The following BCKDHB variants were observed in gnomAD, a reference collection of about 807,000 sequenced individuals.
BCKDHB encodes branched chain keto acid dehydrogenase E1 subunit beta, also known as 2-oxoisovalerate dehydrogenase subunit beta, mitochondrial.
A neutral mutation model predicts 48.5 loss-of-function variants in BCKDHB; 41 were observed. The ratio of observed to expected loss-of-function variants is 0.85; its 90% confidence interval spans 0.66 to 1.10. BCKDHB has a LOEUF of 1.10. Among genes scored for constraint, BCKDHB ranks in the 50% least tolerant of loss-of-function variants. The probability of loss-of-function intolerance (pLI) is 0.00; values close to 1 mark genes in which losing one functional copy is unlikely to be tolerated. For missense variants in BCKDHB, 496 were observed against 494.2 expected, an observed-to-expected ratio of 1.00 and a Z score of -0.03; for synonymous variants, 201 against 174.8, an observed-to-expected ratio of 1.15 and a Z score of -1.18.
rs140588300 is a variant in BCKDHB at position 80,132,016 on chromosome 6, A to G, written c.343+2787A>G. On this transcript the variant is annotated intron_variant, in intron 3 of 9. Transcript: ENST00000320393. ...TATTTTTATTTTATTTATTTTATCTATTTTTTAGTTTTTACTCTACAGACC... is the reference window on the plus strand; with the variant it reads ...TATTTTTATTTTATTTATTTTATCTGTTTTTTAGTTTTTACTCTACAGACC... 2.5e-3 allele frequency among the ~76,000 whole-genome samples: 375 copies of G among 151,866 alleles called. 3 individuals carry two copies. The highest frequency in any genetic ancestry group is 8.3e-3 in the African/African-American group (344 of 41,422).
At chr6:80,342,567 A>G (rs965776774) in intron 9 of BCKDHB, among the ~76,000 whole-genome samples, 2 of 144,980 alleles carry the variant, frequency 1.4e-5, no homozygotes, top group Non-Finnish European at 3.0e-5. Context: ...AAAAAAAAAA[A>G]AAAAAAAAAA....
the BCKDHB span, among the ~76,000 whole-genome samples, chr6:80,431,913 G>T: frequency 2.0e-5 from 3 of 152,160 alleles, no homozygotes; most frequent in Admixed American, 2.0e-4. Context: ...CTCAGCATTT[G>T]CTTGTCTGTA....
chr6:80,197,986 G>A lies in BCKDHB; in HGVS notation c.743-2948G>A, dbSNP rs183444387. Among the ~76,000 whole-genome samples, 380 of 147,006 alleles carry A rather than the reference G, an allele frequency of 2.6e-3. No homozygotes were observed. In the Middle Eastern group the frequency reaches 0.028, roughly 11 times the overall value. ...TCCATCCATCCATCCATCCGTCTAT[G>A]CATCTATCCATGCAATGAATACTGG... On this transcript the variant is annotated intron_variant, in intron 6 of 9. Transcript: ENST00000320393.
chr6:80,196,601 A>C (rs931626301), intron 6 of BCKDHB, among the ~76,000 whole-genome samples: 1 of 152,206 alleles, frequency 6.6e-6, no homozygotes, highest in African/African-American at 2.4e-5. Context: ...TTGAGTATGC[A>C]GCAACTATTC....
intron 1 of BCKDHB, among the ~76,000 whole-genome samples, chr6:80,114,950 C>T (rs919601204): frequency 1.3e-5 from 2 of 152,162 alleles, no homozygotes; most frequent in Non-Finnish European, 2.9e-5. Flanking sequence ...TACCAGGTGC[C>T]CTGAGATGGG....
At chr6:80,107,737 C>A (rs1337050083) in intron 1 of BCKDHB, among the ~76,000 whole-genome samples, 1 of 151,508 alleles carries the variant, frequency 6.6e-6, no homozygotes, top group Non-Finnish European at 1.5e-5. Context: ...GCCACTTAGC[C>A]AAGGAGGTGA....
intron 9 of BCKDHB, 67 bp downstream of exon 9, chr6:80,273,288 AAATTACTTATCACAATATGT>A: frequency 3.1e-6 from 4 of 1,300,552 alleles, no homozygotes; most frequent in Non-Finnish European, 4.5e-6. Context: ...AGAAGAAAAT[AAATTACTTATCACAATATGT>A]GAAAGCATAC....
At chr6:80,113,542 G>C (rs564650620) in intron 1 of BCKDHB, among the ~76,000 whole-genome samples, 1 of 152,090 alleles carries the variant, frequency 6.6e-6, no homozygotes, top group Non-Finnish European at 1.5e-5. Flanking sequence ...AGTTGGAAAG[G>C]GAAAAGAGAA....
chr6:80,118,268 T>C (rs139685241), intron 1 of BCKDHB, among the ~76,000 whole-genome samples: 1 of 152,320 alleles, frequency 6.6e-6, no homozygotes, highest in Non-Finnish European at 1.5e-5. Context: ...CACACAAATG[T>C]ATTGGTTTCC....
At chr6:80,247,801 C>G (rs969981274) in intron 8 of BCKDHB, among the ~76,000 whole-genome samples, 5 of 152,134 alleles carry the variant, frequency 3.3e-5, no homozygotes, top group Admixed American at 2.0e-4. Context: ...TTGTGAATTG[C>G]TGCTAATGGC....
At chr6:80,374,779 G>T in the BCKDHB span, among the ~76,000 whole-genome samples, 1 of 152,068 alleles carries the variant, frequency 6.6e-6, no homozygotes, top group African/African-American at 2.4e-5. Flanking sequence ...ATTTTATTTT[G>T]TGTATTTCAA....
intron 8 of BCKDHB, among the ~76,000 whole-genome samples, chr6:80,232,805 G>T (rs1775987952): frequency 6.6e-6 from 1 of 151,078 alleles, no homozygotes; most frequent in Non-Finnish European, 1.5e-5. Flanking sequence ...GAGAGTGTGT[G>T]TATGTGTGTT....
chr6:80,404,309 T>G, the BCKDHB span, among the ~76,000 whole-genome samples: 1 of 151,962 alleles, frequency 6.6e-6, no homozygotes, highest in Non-Finnish European at 1.5e-5. Flanking sequence ...TCTTAGGAAC[T>G]TGGATGTTTC....
At chr6:80,392,078 C>A in the BCKDHB span, among the ~76,000 whole-genome samples, 2 of 152,000 alleles carry the variant, frequency 1.3e-5, no homozygotes, top group Non-Finnish European at 2.9e-5. Flanking sequence ...CTGCAACCTC[C>A]ACCTCCCAGG....
At chr6:80,428,109 G>C in the BCKDHB span, among the ~76,000 whole-genome samples, 5 of 151,796 alleles carry the variant, frequency 3.3e-5, no homozygotes, top group Admixed American at 2.6e-4. Context: ...ACTTATGAGT[G>C]AGAACATGCG....
At chr6:80,422,605 C>T in the BCKDHB span, among the ~76,000 whole-genome samples, 1 of 152,200 alleles carries the variant, frequency 6.6e-6, no homozygotes, top group African/African-American at 2.4e-5. Context: ...AGTGCAGCTG[C>T]CCAAGGCCTT....
At chr6:80,142,361 G>T (rs1321844548) in intron 3 of BCKDHB, among the ~76,000 whole-genome samples, 1 of 151,922 alleles carries the variant, frequency 6.6e-6, no homozygotes, top group Non-Finnish European at 1.5e-5. Context: ...ATCTATTATT[G>T]CTCAGGTTGA....
downstream of BCKDHB, among the ~76,000 whole-genome samples, chr6:80,346,929 C>A (rs571316170): frequency 4.7e-4 from 67 of 143,086 alleles, no homozygotes; most frequent in African/African-American, 1.7e-3. Flanking sequence ...GGAAAAAGGT[C>A]TCTACCCCCA....
At chr6:80,340,483 C>T (rs369717272) in intron 9 of BCKDHB, among the ~76,000 whole-genome samples, 9 of 152,190 alleles carry the variant, frequency 5.9e-5, no homozygotes, top group Admixed American at 1.3e-4. Context: ...AGACCATAAA[C>T]GAACACTCCC....
Sources: gnomAD v4.1 joint callset for allele counts (sites outside exome capture counted in the v4.1 genomes callset) on GRCh38, gnomAD v4.1.1 for gene constraint, MANE v1.5 for transcripts, NCBI Gene and HGNC (gene_info 2026-07-23, HGNC 2026-07-21) for gene names.